PTPRD: variants seen among roughly 807,000 people sequenced by gnomAD.
PTPRD encodes receptor-type tyrosine-protein phosphatase delta.
A neutral mutation model predicts 214.5 loss-of-function variants in PTPRD; 34 were observed. That is an observed-to-expected ratio of 0.16 (90% CI 0.12 to 0.21). PTPRD has a LOEUF of 0.21. Among genes scored for constraint, PTPRD ranks in the 10% least tolerant of loss-of-function variants. The pLI, the probability that PTPRD is intolerant of heterozygous loss-of-function variation, is 1.00. For synonymous variants in PTPRD, 1,128 were observed against 845.7 expected (o/e 1.33, Z -5.79); for missense variants, 2,545 against 2,398.7 (o/e 1.06, Z -1.27).
At position 9,461,649 on chromosome 9, in the gene PTPRD, T is replaced by A. The variant is rs534239792; in HGVS notation, c.-236-64167A>T. ...CATATACTCATACCCTCAAAAGGTC[T>A]ACAAAATTGTAAGTCTGCATTATTC... On this transcript the variant is annotated intron_variant, in intron 8 of 45. Coordinates refer to ENST00000381196, the MANE Select transcript of PTPRD (RefSeq NM_002839.4). 2.0e-5 allele frequency among the ~76,000 whole-genome samples: 3 copies of A among 152,286 alleles called. No individual in the cohort carries two copies. In the South Asian group the frequency reaches 6.2e-4, roughly 32 times the overall value.
At chr9:9,716,531 T>G (rs7031298) in intron 7 of PTPRD, among the ~76,000 whole-genome samples, 55,686 of 151,750 alleles carry the variant, frequency 0.37, 10,470 homozygotes, top group Admixed American at 0.48. Flanking sequence ...TCCTGACTTT[T>G]TAATGATTGC....
chr9:9,920,309 G>C (rs1046275361), intron 5 of PTPRD, among the ~76,000 whole-genome samples: 1 of 152,046 alleles, frequency 6.6e-6, no homozygotes, highest in African/African-American at 2.4e-5. Flanking sequence ...CATAGGCTGT[G>C]CTATAGCCAT....
At chr9:9,680,903 A>C (rs576396929) in intron 7 of PTPRD, among the ~76,000 whole-genome samples, 1 of 151,872 alleles carries the variant, frequency 6.6e-6, no homozygotes, top group African/African-American at 2.4e-5. Flanking sequence ...ATATTGTGGT[A>C]CCCTCTCTTG....
Position 10,516,375 on chromosome 9 carries a change from G to A in PTPRD, c.-600+96023C>T, listed in dbSNP as rs183156353. ...TGTTAGCCATTTTTATGTCTTCTTT[G>A]GAGAAATCTCTACTTAAGCCCTTAG... On this transcript the variant is annotated intron_variant, in intron 2 of 45. Transcript: ENST00000381196. Among the ~76,000 whole-genome samples, 136 of 151,802 alleles carry A rather than the reference G, an allele frequency of 9.0e-4. 1 individual carries two copies. The highest frequency in any genetic ancestry group is 2.9e-3 in the African/African-American group (119 of 41,480).
At chr9:9,656,674 G>A (rs2096523857) in intron 7 of PTPRD, among the ~76,000 whole-genome samples, 1 of 152,126 alleles carries the variant, frequency 6.6e-6, no homozygotes, top group Admixed American at 6.6e-5. Flanking sequence ...GAAACAGTCT[G>A]TATGATACTA....
chr9:9,888,507 G>A (rs2071863513), intron 5 of PTPRD, among the ~76,000 whole-genome samples: 1 of 152,090 alleles, frequency 6.6e-6, no homozygotes, highest in Admixed American at 6.6e-5. Context: ...GAATGGCTTG[G>A]TGCTGTCCTC....
chr9:9,679,067 C>T (rs534104108), intron 7 of PTPRD, among the ~76,000 whole-genome samples: 1 of 141,794 alleles, frequency 7.1e-6, no homozygotes, highest in Admixed American at 7.2e-5. Flanking sequence ...ATTAGGGAGT[C>T]AAAATTTCAA....
chr9:10,394,690 C>T (rs2098134426), intron 2 of PTPRD, among the ~76,000 whole-genome samples: 1 of 151,778 alleles, frequency 6.6e-6, no homozygotes. Flanking sequence ...CCTTTTGTGA[C>T]ATCTGGGGCA....
Position 8,339,940 on chromosome 9 carries a change from G to C in PTPRD, c.5253+403C>G, listed in dbSNP as rs143227672. Among the ~76,000 whole-genome samples the C allele has an allele frequency of 6.4e-3, 968 of 152,088 alleles. 13 individuals are homozygous for C. Among genetic ancestry groups the C allele is most frequent in the African/African-American group, 0.022 (924 of 41,504 alleles). ...AACACTTTATTCAATGGGAGTGAAA[G>C]GTAGGCAAGTAAGAATTTGCCTCAG... On this transcript the variant is annotated intron_variant, in intron 42 of 45. Coordinates refer to ENST00000381196, the MANE Select transcript of PTPRD (RefSeq NM_002839.4).
intron 30 of PTPRD, among the ~76,000 whole-genome samples, chr9:8,477,202 G>A (rs2096783123): frequency 6.6e-6 from 1 of 151,956 alleles, no homozygotes; most frequent in Non-Finnish European, 1.5e-5. Flanking sequence ...TTGCCCGTCT[G>A]CCTCAAGCCT....
chr9:10,502,783 T>G (rs2044220987), intron 2 of PTPRD, among the ~76,000 whole-genome samples: 1 of 152,044 alleles, frequency 6.6e-6, no homozygotes, highest in African/African-American at 2.4e-5. Context: ...ACCCATAAAA[T>G]ATCCATTTAG....
At chr9:9,116,313 T>G (rs954557288) in intron 10 of PTPRD, among the ~76,000 whole-genome samples, 1 of 152,156 alleles carries the variant, frequency 6.6e-6, no homozygotes, top group Non-Finnish European at 1.5e-5. Context: ...TAATGTCTTT[T>G]GCAGCAACTT....
intron 14 of PTPRD, among the ~76,000 whole-genome samples, chr9:8,563,314 G>T (rs1373893397): frequency 2.0e-5 from 3 of 152,068 alleles, no homozygotes; most frequent in Non-Finnish European, 2.9e-5. Flanking sequence ...AAAACTATCA[G>T]ACTGTATGTT....
intron 5 of PTPRD, among the ~76,000 whole-genome samples, chr9:9,916,877 T>C (rs1194883909): frequency 1.3e-5 from 2 of 151,822 alleles, no homozygotes; most frequent in African/African-American, 2.4e-5. Context: ...AAGTATCCCA[T>C]TGATCACAAT....
intron 12 of PTPRD, among the ~76,000 whole-genome samples, chr9:8,685,029 C>T (rs892752625): frequency 7.9e-5 from 12 of 151,940 alleles, no homozygotes; most frequent in African/African-American, 1.2e-4. Context: ...TGTTTGCATC[C>T]GGGGCTGGAT....
chr9:10,503,208 C>CAACA (rs1555437404), intron 2 of PTPRD, among the ~76,000 whole-genome samples: 1 of 118,456 alleles, frequency 8.4e-6, no homozygotes, highest in African/African-American at 3.0e-5. Flanking sequence ...AAAAAAAAAA[C>CAACA]AAAAAAAAAC....
chr9:10,023,259 C>T (rs955404327), intron 4 of PTPRD, among the ~76,000 whole-genome samples: 6 of 152,096 alleles, frequency 3.9e-5, no homozygotes, highest in Admixed American at 6.6e-5. Context: ...TATAAATTAA[C>T]AGACAACAAT....
At chr9:9,181,654 G>T (rs1346871009) in intron 10 of PTPRD, among the ~76,000 whole-genome samples, 1 of 151,932 alleles carries the variant, frequency 6.6e-6, no homozygotes, top group Non-Finnish European at 1.5e-5. Context: ...AATTTGCACA[G>T]TTTACTTAAT....
At chr9:9,153,250 C>G (rs1389921895) in intron 10 of PTPRD, among the ~76,000 whole-genome samples, 2 of 152,148 alleles carry the variant, frequency 1.3e-5, no homozygotes, top group Non-Finnish European at 2.9e-5. Flanking sequence ...AATATAAATT[C>G]TCTTTAACTG....
Sources: gnomAD v4.1 joint callset for allele counts (sites outside exome capture counted in the v4.1 genomes callset) on GRCh38, gnomAD v4.1.1 for gene constraint, MANE v1.5 for transcripts, NCBI Gene and HGNC (gene_info 2026-07-23, HGNC 2026-07-21) for gene names.